The following LAMA2 variants were observed in gnomAD, a reference collection of about 807,000 sequenced individuals.
LAMA2 encodes laminin subunit alpha 2.
A neutral mutation model predicts 364.8 loss-of-function variants in LAMA2; 269 were observed. That is an observed-to-expected ratio of 0.74 (90% CI 0.67 to 0.82). The LOEUF (loss-of-function observed/expected upper bound fraction) is 0.82, where lower values mean the gene tolerates loss of function less well. Ranked by LOEUF, LAMA2 falls within the 40% of genes least tolerant of loss-of-function variation. LAMA2 has a pLI of 0.00. For synonymous variants in LAMA2, 1,379 were observed against 1,370.6 expected (o/e 1.01, Z -0.14); for missense variants, 3,807 against 3,873.2 (o/e 0.98, Z 0.45).
chr6:128,998,550 G>A lies in LAMA2; in HGVS notation c.113-51368G>A, dbSNP rs1304619096. Among the ~76,000 whole-genome samples the A allele has an allele frequency of 3.0e-5, 3 of 99,080 alleles. 1 individual carries two copies. Among genetic ancestry groups the A allele is most frequent in the Non-Finnish European group, 5.8e-5 (3 of 51,526 alleles). 65.0% of individuals were successfully genotyped at this position (99,080 alleles called of 152,430 possible). A position where few individuals can be genotyped will look rare whatever the true frequency, so the allele number is the denominator to read the frequency against. ...AGGCCAGTGTGTGTGCGCACCGTGC[G>A]CGAGCCGAAGCAGGGCGAGGCATTG... On this transcript the variant is annotated intron_variant, in intron 1 of 64. Transcript: ENST00000421865.
At chr6:129,316,441 G>T (rs1316514600) in intron 27 of LAMA2, among the ~76,000 whole-genome samples, 1 of 152,170 alleles carries the variant, frequency 6.6e-6, no homozygotes. Context: ...ATAAATTCAA[G>T]AGATCATATA....
chr6:129,052,349 C>G (rs1788127426), intron 2 of LAMA2, among the ~76,000 whole-genome samples: 1 of 148,388 alleles, frequency 6.7e-6, no homozygotes, highest in African/African-American at 2.5e-5. Context: ...GGGGTTTCAC[C>G]GTGTTAGCTA....
chr6:129,059,923 C>A (rs1402402107), intron 3 of LAMA2, 27 bp downstream of exon 3: 1 of 1,289,472 alleles, frequency 7.8e-7, no homozygotes, highest in East Asian at 2.3e-5. Flanking sequence ...TTTGTCATTT[C>A]CACTTTTGAA....
chr6:129,310,721 C>T (rs1774163082), intron 22 of LAMA2, among the ~76,000 whole-genome samples: 1 of 152,100 alleles, frequency 6.6e-6, no homozygotes, highest in African/African-American at 2.4e-5. Context: ...AGAGCAGCTA[C>T]TCCCTCTAGG....
At chr6:129,510,917 G>A (rs867245471) in intron 62 of LAMA2, among the ~76,000 whole-genome samples, 1 of 152,126 alleles carries the variant, frequency 6.6e-6, no homozygotes, top group Non-Finnish European at 1.5e-5. Context: ...CGAATTCCAT[G>A]TGCTATGAAA....
Position 129,063,515 on chromosome 6 carries a change from GA to G in LAMA2, c.396+3620del, listed in dbSNP as rs1562204353. On this transcript the variant is annotated intron_variant, in intron 3 of 64. Transcript: ENST00000421865. Reference sequence around the variant, plus strand: ...ATTGGCAGGCGGGGTAAAACAGAGGGAGGCAGCTTTTCAGTAGACTTTTCAA... The same window carrying G: ...ATTGGCAGGCGGGGTAAAACAGAGGGGGCAGCTTTTCAGTAGACTTTTCAA... Among the ~76,000 whole-genome samples the G allele has an allele frequency of 8.5e-5, 13 of 152,114 alleles. No homozygotes were observed. In the South Asian group the frequency reaches 2.7e-3, roughly 32 times the overall value.
chr6:128,905,075 T>C (rs1777343388), intron 1 of LAMA2, among the ~76,000 whole-genome samples: 1 of 152,252 alleles, frequency 6.6e-6, no homozygotes. Flanking sequence ...TGGTATAAAG[T>C]TCTAGAAACT....
In LAMA2 at chr6:129,004,627, C is replaced by T. The variant is rs527500205; in HGVS notation, c.113-45291C>T. 2.0e-5 allele frequency among the ~76,000 whole-genome samples: 3 copies of T among 152,200 alleles called. No individual in the cohort carries two copies. In the South Asian group the frequency reaches 6.2e-4, roughly 32 times the overall value. On this transcript the variant is annotated intron_variant, in intron 1 of 64. Transcript: ENST00000421865. ...TCAGTAAACACACGTTGACTTAAAT[C>T]AGTTGGGTAAATTGTAAACTCAATT...
chr6:129,205,442 T>C (rs1038390780), intron 12 of LAMA2, among the ~76,000 whole-genome samples: 9 of 146,962 alleles, frequency 6.1e-5, no homozygotes, highest in Admixed American at 2.7e-4. Flanking sequence ...AAATGCACAG[T>C]CTTACATACT....
At position 129,464,460 on chromosome 6, in the gene LAMA2, TC is replaced by T. The variant is rs781778543; in HGVS notation, c.7155+9del. 79 of 1,608,910 alleles carry T rather than the reference TC, an allele frequency of 4.9e-5. No individual in the cohort carries two copies. In the African/African-American group the frequency reaches 9.1e-4, roughly 19 times the overall value. On this transcript the variant is annotated intron_variant, in intron 50 of 64. Coordinates refer to ENST00000421865, the MANE Select transcript of LAMA2 (RefSeq NM_000426.4). ...CTTGCCACACGAGACCTGGTAAAGA[TC>T]ATATGCATAGCAGAGTTTCCGTGAC...
chr6:129,222,082 G>A (rs190024344), intron 12 of LAMA2, among the ~76,000 whole-genome samples: 43 of 152,236 alleles, frequency 2.8e-4, no homozygotes, highest in African/African-American at 1.0e-3. Flanking sequence ...GCAGGGTAAC[G>A]GGGTGGTGAG....
intron 12 of LAMA2, among the ~76,000 whole-genome samples, chr6:129,226,879 G>T (rs942483781): frequency 3.9e-5 from 6 of 152,090 alleles, no homozygotes; most frequent in Non-Finnish European, 5.9e-5. Context: ...ATGTTGGCCT[G>T]CCTTGCTAGG....
chr6:129,400,995 T>G (rs1779936305), intron 37 of LAMA2, among the ~76,000 whole-genome samples: 6 of 152,242 alleles, frequency 3.9e-5, no homozygotes, highest in Admixed American at 3.9e-4. Flanking sequence ...TTTCTTCGCT[T>G]GGATGACTTT....
At chr6:129,474,086 C>T (rs760746025) in intron 52 of LAMA2, among the ~76,000 whole-genome samples, 18 of 151,958 alleles carry the variant, frequency 1.2e-4, no homozygotes, top group Middle Eastern at 3.4e-3. Context: ...TTGGTTAAAC[C>T]GTAAGAGTTT....
intron 1 of LAMA2, among the ~76,000 whole-genome samples, chr6:128,903,447 T>C (rs1021562680): frequency 2.0e-5 from 3 of 152,204 alleles, no homozygotes; most frequent in South Asian, 2.1e-4. Context: ...GGAAGAGTTT[T>C]GTTTAAATGC....
chr6:129,399,447 A>C (rs1779839334), intron 37 of LAMA2, among the ~76,000 whole-genome samples: 1 of 152,206 alleles, frequency 6.6e-6, no homozygotes, highest in South Asian at 2.1e-4. Context: ...GCTGCTGGTG[A>C]ATGGGCTGCA....
At chr6:128,920,618 A>C (rs1427692026) in intron 1 of LAMA2, among the ~76,000 whole-genome samples, 1 of 151,674 alleles carries the variant, frequency 6.6e-6, no homozygotes, top group Non-Finnish European at 1.5e-5. Flanking sequence ...TCCTTTTAGC[A>C]TGTACCATTG....
intron 1 of LAMA2, among the ~76,000 whole-genome samples, chr6:129,017,201 C>T (rs1322235878): frequency 1.3e-5 from 2 of 151,778 alleles, no homozygotes; most frequent in East Asian, 1.9e-4. Context: ...TTATTTTAAC[C>T]GTTTTGTAAC....
At chr6:129,106,041 C>G (rs1775801486) in intron 4 of LAMA2, among the ~76,000 whole-genome samples, 1 of 152,108 alleles carries the variant, frequency 6.6e-6, no homozygotes. Flanking sequence ...ACCACCTTCT[C>G]ACTCTCCTGG....
Sources: gnomAD v4.1 joint callset for allele counts (sites outside exome capture counted in the v4.1 genomes callset) on GRCh38, gnomAD v4.1.1 for gene constraint, MANE v1.5 for transcripts, NCBI Gene and HGNC (gene_info 2026-07-23, HGNC 2026-07-21) for gene names.